NAALADL1: variants seen among roughly 807,000 people sequenced by gnomAD.
The protein encoded by NAALADL1 is aminopeptidase NAALADL1.
In NAALADL1, 77 loss-of-function variants were observed where a neutral mutation model predicts 82.8. That is an observed-to-expected ratio of 0.93 (90% CI 0.77 to 1.12). The LOEUF is 1.12. Ranked by LOEUF, NAALADL1 falls within the 50% of genes most tolerant of loss-of-function variation. NAALADL1 has a pLI of 0.00. For synonymous variants in NAALADL1, 358 were observed against 399.2 expected, an observed-to-expected ratio of 0.90 and a Z score of 1.23; for missense variants, 956 against 964.0, an observed-to-expected ratio of 0.99 and a Z score of 0.11.
In NAALADL1 at chr11:65,047,492, C is replaced by T. The variant is rs1479898438; in HGVS notation, c.1582G>A (p.Ala528Thr). ...CTGCTCACCCGGTCATAGGTATAGGCAATGTCCATGGAGGAGATGCCCAGG... is the reference window on the plus strand; with the variant it reads ...CTGCTCACCCGGTCATAGGTATAGGTAATGTCCATGGAGGAGATGCCCAGG... ...HFLGISSMDI[A>T]YTYDRSKTSA... Residue 528 changes from alanine (A) to threonine (T), a missense_variant, in exon 13 of 18, where the codon GCC (alanine) becomes ACC (threonine). By Grantham distance (58) the Ala-to-Thr change is moderately conservative (BLOSUM62 0). Coordinates refer to ENST00000358658, the MANE Select transcript of NAALADL1 (RefSeq NM_005468.3). The T allele has an allele frequency of 1.3e-6, 2 of 1,565,802 alleles. No individual in the cohort carries two copies. Among genetic ancestry groups the T allele is most frequent in the South Asian group, 2.4e-5 (2 of 84,920 alleles).
intron 4 of NAALADL1, among the ~76,000 whole-genome samples, 174 bp downstream of exon 4, chr11:65,057,197 C>T (rs1185000863): frequency 6.6e-6 from 1 of 152,208 alleles, no homozygotes; most frequent in African/African-American, 2.4e-5. Context: ...CATCCGAGGC[C>T]ACACAGCCCA....
At chr11:65,057,574 G>A in intron 3 of NAALADL1, 81 bp from the exon 4 acceptor site, 1 of 1,515,736 alleles carries the variant, frequency 6.6e-7, no homozygotes, top group Non-Finnish European at 8.9e-7. Context: ...TTGCATGGCA[G>A]GAGGGAGAAT....
intron 8 of NAALADL1, among the ~76,000 whole-genome samples, chr11:65,048,891 T>C (rs969159893): frequency 5.3e-5 from 8 of 152,130 alleles, no homozygotes; most frequent in African/African-American, 1.9e-4. Flanking sequence ...CAAATCCAGA[T>C]ATTTGGCTCC....
rs761671591 is a variant in NAALADL1, at chr11:65,054,618, A to AG, written c.723dup (p.Ser242LeufsTer56). ...TAGTAGGAGCCTCGCTCCACTCCTG[A>AG]GGGGGGCAGGTACCAGGAGTTGGGA... On this transcript the variant is annotated frameshift_variant, in exon 5 of 18. Coordinates refer to ENST00000358658, the MANE Select transcript of NAALADL1 (RefSeq NM_005468.3). LOFTEE classifies it high-confidence loss of function. This position sits in a 1 kb window ranked among gnomAD's most constrained non-coding sequence, Gnocchi z 4.3. The AG allele has an allele frequency of 2.5e-6, 4 of 1,613,886 alleles. No homozygotes were observed. The highest frequency in any genetic ancestry group is 2.2e-5 in the South Asian group (2 of 91,038).
chr11:65,061,083 A>G (rs74636078), upstream of NAALADL1, among the ~76,000 whole-genome samples: 8,956 of 152,122 alleles, frequency 0.059, 353 homozygotes, highest in African/African-American at 0.093. Context: ...CTGGGAAAAC[A>G]CCATTCTGGT....
intron 11 of NAALADL1, 96 bp downstream of exon 11, chr11:65,047,885 G>A: frequency 6.8e-7 from 1 of 1,461,768 alleles, no homozygotes; most frequent in Non-Finnish European, 9.2e-7. Context: ...GATCTAGAGA[G>A]TACCACTCCC....
At chr11:65,051,185 C>G (rs1946875169) in intron 8 of NAALADL1, among the ~76,000 whole-genome samples, 1 of 152,084 alleles carries the variant, frequency 6.6e-6, no homozygotes, top group South Asian at 2.1e-4. Flanking sequence ...CCCAGCCTCT[C>G]TCCACAAGCT....
Position 65,048,403 on chromosome 11 carries a change from AG to A in NAALADL1, c.1199-19del. On this transcript the variant is annotated intron_variant, in intron 8 of 17. Coordinates refer to ENST00000358658, the MANE Select transcript of NAALADL1 (RefSeq NM_005468.3). Reference sequence around the variant, plus strand: ...CCAGGTGCCTGGGAATGGGGGATAGAGGGTTGGAGGACAGGGTCCTCCTGAT... The same window carrying A: ...CCAGGTGCCTGGGAATGGGGGATAGAGGTTGGAGGACAGGGTCCTCCTGAT... The A allele has an allele frequency of 6.2e-7, 1 of 1,613,866 alleles. No homozygotes were observed. The highest frequency in any genetic ancestry group is 8.5e-7 in the Non-Finnish European group (1 of 1,179,880).
chr11:65,053,723 A>G lies in NAALADL1; in HGVS notation c.993-147T>C. ...GTACCAAGAGAGGCAGCAAGGCTGG[A>G]GCCAGGCTCTCCTGCCTACTCGCTG... On this transcript the variant is annotated intron_variant, in intron 6 of 17. Transcript: ENST00000358658. This position sits in a 1 kb window ranked among gnomAD's most constrained non-coding sequence, Gnocchi z 4.3. 1 of 703,902 alleles carries G rather than the reference A, an allele frequency of 1.4e-6. No homozygotes were observed. The highest frequency in any genetic ancestry group is 1.9e-5 in the South Asian group (1 of 52,212). The allele number at this position is 703,902 out of a possible 1,614,324, so 43.6% of individuals were successfully genotyped here.
intron 11 of NAALADL1, 84 bp downstream of exon 11, chr11:65,047,897 A>ACCCCCC: frequency 1.0e-5 from 5 of 486,622 alleles, no homozygotes; most frequent in Non-Finnish European, 1.1e-5. Context: ...ACCACTCCCC[A>ACCCCCC]GCCCCGCCCA....
At chr11:65,045,957 G>T (rs372678418) in intron 16 of NAALADL1, 43 bp from the exon 17 acceptor site, 1 of 1,612,148 alleles carries the variant, frequency 6.2e-7, no homozygotes, top group Non-Finnish European at 8.5e-7. Flanking sequence ...GGAGCCAGCA[G>T]CCCAGCTACC....
At chr11:65,046,144 G>A in intron 15 of NAALADL1, 30 bp from the exon 16 acceptor site, 1 of 1,614,032 alleles carries the variant, frequency 6.2e-7, no homozygotes, top group Non-Finnish European at 8.5e-7. Flanking sequence ...GCTCAGTCAT[G>A]GGGGTGCAGG....
rs375199929 is a variant in NAALADL1, at chr11:65,058,070, G to A, written c.358+8C>T. On this transcript the variant is annotated splice_region_variant and intron_variant, in intron 2 of 17. Transcript: ENST00000358658. Reference sequence around the variant, plus strand: ...CCCGGGCATTCCCAAGACTGGGCAGGACCTCACCGATGTCCACGACGTTGG... The same window carrying A: ...CCCGGGCATTCCCAAGACTGGGCAGAACCTCACCGATGTCCACGACGTTGG... 2 of 1,611,082 alleles carry A rather than the reference G, an allele frequency of 1.2e-6. No individual in the cohort carries two copies. The highest frequency in any genetic ancestry group is 4.5e-5 in the East Asian group (2 of 44,798).
Position 65,053,228 on chromosome 11 carries a change from C to T in NAALADL1, c.1188G>A (p.Leu396=). 2 of 1,544,760 alleles carry T rather than the reference C, an allele frequency of 1.3e-6. No homozygotes were observed. Among genetic ancestry groups the T allele is most frequent in the South Asian group, 1.2e-5 (1 of 83,788 alleles). Residue 396 remains leucine (L), a synonymous_variant, in exon 8 of 18, where the codon CTG becomes CTA. Transcript: ENST00000358658. This position sits in a 1 kb window ranked among gnomAD's most constrained non-coding sequence, Gnocchi z 4.3. ...LLELSRVLGT[L]LKKGTWRPRR... is the part of the protein sequence containing the mutation. ...AGGGGGCCGCCTCACCCTTCTTCAG[C>T]AGGGTCCCCAGGACACGGGAGAGCT... is the stretch of plus-strand genomic sequence containing the variant.
chr11:65,057,509 G>C lies in NAALADL1; in HGVS notation c.481-16C>G, dbSNP rs1371393555. 1 of 1,610,282 alleles carries C rather than the reference G, an allele frequency of 6.2e-7. No individual in the cohort carries two copies. The highest frequency in any genetic ancestry group is 8.5e-7 in the Non-Finnish European group (1 of 1,178,032). ...CGAGGAGGCCCTAGTCCCAAGAGGG[G>C]GTGATCCTTAGAGCTGGGCCCAGCG... is the stretch of plus-strand genomic sequence containing the variant. On this transcript the variant is annotated splice_polypyrimidine_tract_variant and intron_variant, in intron 3 of 17. Coordinates refer to ENST00000358658, the MANE Select transcript of NAALADL1 (RefSeq NM_005468.3).
rs746800409 is a variant in NAALADL1 at position 65,045,262 on chromosome 11, G to A, written c.*9C>T. On this transcript the variant is annotated 3_prime_UTR_variant, in exon 18 of 18. Transcript: ENST00000358658. ...GAGTAAAGGGAGGGCTGAAGAAAGAGGGCTGGGGTCAGAGGTCAGCCACAG... is the reference window on the plus strand; with the variant it reads ...GAGTAAAGGGAGGGCTGAAGAAAGAAGGCTGGGGTCAGAGGTCAGCCACAG... The A allele has an allele frequency of 2.5e-6, 4 of 1,603,288 alleles. No individual in the cohort carries two copies. The Admixed American group carries it at 6.8e-5, about 27-fold the overall frequency.
Position 65,054,606 on chromosome 11 carries a change from G to T in NAALADL1, c.736C>A (p.Arg246=). The T allele has an allele frequency of 6.2e-7, 1 of 1,613,806 alleles. No individual in the cohort carries two copies. The highest frequency in any genetic ancestry group is 1.3e-5 in the African/African-American group (1 of 75,018). The change falls in exon 5 of 18, where the codon CGA becomes AGA. Residue 246 remains arginine, a synonymous_variant. Transcript: ENST00000358658. This position sits in a 1 kb window ranked among gnomAD's most constrained non-coding sequence, Gnocchi z 4.3. ...CCAAAATACTCGTAGTAGGAGCCTCGCTCCACTCCTGAGGGGGGCAGGTAC... is the reference window on the plus strand; with the variant it reads ...CCAAAATACTCGTAGTAGGAGCCTCTCTCCACTCCTGAGGGGGGCAGGTAC... ...SWYLPPSGVE[R]GSYYEYFGDP...
At chr11:65,059,153 C>T (rs554921079), upstream of NAALADL1, among the ~76,000 whole-genome samples, 81 of 152,082 alleles carry the variant, frequency 5.3e-4, no homozygotes, top group Admixed American at 2.6e-3. Flanking sequence ...GCTGGGATTA[C>T]GGGTGTGCAC....
chr11:65,055,869 C>T (rs1947024586), intron 4 of NAALADL1, among the ~76,000 whole-genome samples: 1 of 148,688 alleles, frequency 6.7e-6, no homozygotes. Context: ...CTTTTCCCAG[C>T]TCTTATTATG....
Sources: gnomAD v4.1 joint callset for allele counts (sites outside exome capture counted in the v4.1 genomes callset) on GRCh38, gnomAD v4.1.1 for gene constraint, Gnocchi (gnomAD v3.1) non-coding constraint, MANE v1.5 for transcripts, NCBI Gene and HGNC (gene_info 2026-07-23, HGNC 2026-07-21) for gene names.